Variants in PDS5B observed in about 807,000 individuals in gnomAD.
PDS5B encodes sister chromatid cohesion protein PDS5 homolog B.
Under a neutral mutation model 184.1 loss-of-function variants are expected in PDS5B, and 51 were observed. The observed-to-expected ratio is 0.28, with a 90% confidence interval of 0.22 to 0.35. PDS5B has a LOEUF of 0.35. Ranked by LOEUF, PDS5B falls within the 10% of genes least tolerant of loss-of-function variation. The pLI, the probability that PDS5B is intolerant of heterozygous loss-of-function variation, is 1.00. For synonymous variants in PDS5B, 566 were observed against 569.2 expected (o/e 0.99, Z 0.08); for missense variants, 1,180 against 1,723.3 (o/e 0.68, Z 5.58).
intron 6 of PDS5B, among the ~76,000 whole-genome samples, chr13:32,660,199 CTGCCT>C (rs1950607229): frequency 6.6e-6 from 1 of 152,210 alleles, no homozygotes; most frequent in Non-Finnish European, 1.5e-5. Context: ...AGCCTCACTT[CTGCCT>C]CTGGTGACCA....
intron 6 of PDS5B, among the ~76,000 whole-genome samples, chr13:32,665,133 T>C (rs1264108472): frequency 6.6e-6 from 1 of 152,042 alleles, no homozygotes; most frequent in African/African-American, 2.4e-5. Flanking sequence ...TTACAAGTTA[T>C]CAAAGGGGGA....
chr13:32,675,815 T>G (rs752525168), intron 8 of PDS5B, 29 bp from the exon 9 acceptor site: 1 of 1,370,368 alleles, frequency 7.3e-7, no homozygotes, highest in South Asian at 1.2e-5. Context: ...ACTGCATGGT[T>G]TTAAAGCTGT....
chr13:32,614,861 TGTTGGAA>T (rs2058195202), intron 1 of PDS5B, among the ~76,000 whole-genome samples: 1 of 152,248 alleles, frequency 6.6e-6, no homozygotes, highest in African/African-American at 2.4e-5. Flanking sequence ...CTCTTAATCC[TGTTGGAA>T]GTCTTGTGAA....
intron 1 of PDS5B, among the ~76,000 whole-genome samples, chr13:32,648,472 A>G (rs759294297): frequency 7.9e-5 from 12 of 151,952 alleles, no homozygotes; most frequent in Non-Finnish European, 1.5e-4. Context: ...TTTATTTTTT[A>G]TTTTTCTCTA....
At chr13:32,690,535 T>C (rs748949976) in intron 13 of PDS5B, 5 of 152,280 alleles carry the variant, frequency 3.3e-5, no homozygotes, top group Middle Eastern at 3.4e-3. Context: ...AGTTAAAATG[T>C]ATAGCTTCCA....
At chr13:32,603,407 G>GA (rs1302860067) in intron 1 of PDS5B, among the ~76,000 whole-genome samples, 1 of 152,162 alleles carries the variant, frequency 6.6e-6, no homozygotes, top group Non-Finnish European at 1.5e-5. Flanking sequence ...GATGGTTGTA[G>GA]ATGTGTGGTA....
At chr13:32,624,454 TTAAAG>T (rs2058343637) in intron 1 of PDS5B, among the ~76,000 whole-genome samples, 1 of 152,216 alleles carries the variant, frequency 6.6e-6, no homozygotes, top group African/African-American at 2.4e-5. Context: ...TTACTTTTCA[TTAAAG>T]TATTTATTAC....
At chr13:32,615,802 T>C (rs1444666808) in intron 1 of PDS5B, among the ~76,000 whole-genome samples, 1 of 152,190 alleles carries the variant, frequency 6.6e-6, no homozygotes, top group East Asian at 1.9e-4. Context: ...AGAAAGTACA[T>C]ATAAGTAACT....
chr13:32,589,535 T>G (rs1488376203), intron 1 of PDS5B, among the ~76,000 whole-genome samples: 1 of 152,232 alleles, frequency 6.6e-6, no homozygotes, highest in East Asian at 1.9e-4. Context: ...TGACATGGCA[T>G]TTATTTATTC....
In PDS5B at chr13:32,656,161, T is replaced by C. The variant is rs1433142925; in HGVS notation, c.313-2078T>C. 3.3e-5 allele frequency among the ~76,000 whole-genome samples: 5 copies of C among 152,142 alleles called. No homozygotes were observed. The South Asian group carries it at 6.2e-4, about 19-fold the overall frequency. ...GGTGTGTAGCATTATTTCTGGACTTTCTGTTATGTTCCATTGTTGTATGTG... is the reference window on the plus strand; with the variant it reads ...GGTGTGTAGCATTATTTCTGGACTTCCTGTTATGTTCCATTGTTGTATGTG... On this transcript the variant is annotated intron_variant, in intron 3 of 34. Transcript: ENST00000315596.
chr13:32,672,185 T>C (rs1280168628), intron 7 of PDS5B, among the ~76,000 whole-genome samples: 3 of 152,172 alleles, frequency 2.0e-5, no homozygotes, highest in Non-Finnish European at 1.5e-5. Context: ...AGGTAGTTTT[T>C]CATCAAAAAT....
At chr13:32,734,226 CA>C (rs1320849012) in intron 20 of PDS5B, among the ~76,000 whole-genome samples, 2 of 130,952 alleles carry the variant, frequency 1.5e-5, no homozygotes, top group Non-Finnish European at 3.7e-5. Context: ...GGGATTCCAC[CA>C]TGTTGGCCTG....
At chr13:32,637,685 G>A (rs2058585897) in intron 1 of PDS5B, among the ~76,000 whole-genome samples, 2 of 152,092 alleles carry the variant, frequency 1.3e-5, no homozygotes, top group South Asian at 4.1e-4. Flanking sequence ...AAGGAGACAG[G>A]AATGACCAGT....
chr13:32,709,537 G>A (rs1453412569), intron 18 of PDS5B, among the ~76,000 whole-genome samples: 4 of 151,862 alleles, frequency 2.6e-5, no homozygotes, highest in Admixed American at 1.3e-4. Flanking sequence ...TTACTGTCTG[G>A]TCAGTCTAGT....
At chr13:32,761,756 G>T (rs2141017471) in intron 30 of PDS5B, among the ~76,000 whole-genome samples, 1 of 152,242 alleles carries the variant, frequency 6.6e-6, no homozygotes, top group East Asian at 1.9e-4. Flanking sequence ...GAATAGTGCT[G>T]CATTAAACAG....
At chr13:32,724,819 A>G (rs944456459) in intron 19 of PDS5B, among the ~76,000 whole-genome samples, 3 of 152,160 alleles carry the variant, frequency 2.0e-5, no homozygotes, top group Non-Finnish European at 4.4e-5. Context: ...GGCTCCAGCA[A>G]TCTGTCCACC....
chr13:32,687,263 T>A lies in PDS5B; in HGVS notation c.1333T>A (p.Tyr445Asn). The A allele has an allele frequency of 6.3e-7, 1 of 1,589,580 alleles. No homozygotes were observed. Among genetic ancestry groups the A allele is most frequent in the Non-Finnish European group, 8.5e-7 (1 of 1,170,066 alleles). ...WIKDKLLHIY[Y>N]QNSIDDRLLV... ...CAAAGACAAATTGCTACATATATAT[T>A]ATCAAAATAGTATTGATGATCGGTA... The change falls in exon 12 of 35, where the codon TAT (tyrosine) becomes AAT (asparagine). Residue 445 changes from tyrosine to asparagine, a missense_variant. Around this residue, in one of 11 missense-constraint regions of PDS5B, gnomAD observed 475 missense variants for 691.5 expected, o/e 0.69. Transcript: ENST00000315596.
chr13:32,718,404 C>T (rs1022026502), intron 19 of PDS5B, among the ~76,000 whole-genome samples: 2 of 152,122 alleles, frequency 1.3e-5, no homozygotes, highest in Non-Finnish European at 2.9e-5. Flanking sequence ...CCTGCCTCGG[C>T]CTCCCAAGGT....
intron 15 of PDS5B, among the ~76,000 whole-genome samples, chr13:32,697,821 C>T (rs1277171791): frequency 6.6e-6 from 1 of 152,138 alleles, no homozygotes; most frequent in Non-Finnish European, 1.5e-5. Context: ...AGCCATCCTC[C>T]TACCTCAGCC....
Sources: gnomAD v4.1 joint callset for allele counts (sites outside exome capture counted in the v4.1 genomes callset) on GRCh38, gnomAD v4.1.1 for gene constraint, gnomAD v4.1.1 regional missense constraint, MANE v1.5 for transcripts, NCBI Gene and HGNC (gene_info 2026-07-23, HGNC 2026-07-21) for gene names.